The following NBAS variants were observed in gnomAD, a reference collection of about 807,000 sequenced individuals.
NBAS encodes NBAS subunit of NRZ tethering complex.
A neutral mutation model predicts 302.5 loss-of-function variants in NBAS; 219 were observed. That is an observed-to-expected ratio of 0.72 (90% confidence interval 0.65 to 0.81). The LOEUF is 0.81. Ranked by LOEUF, NBAS falls within the 30% of genes least tolerant of loss-of-function variation. NBAS has a pLI of 0.00. For missense variants in NBAS, 2,932 were observed against 2,841.6 expected, an observed-to-expected ratio of 1.03 and a Z score of -0.72; for synonymous variants, 1,118 against 1,021.6, an observed-to-expected ratio of 1.09 and a Z score of -1.80.
intron 25 of NBAS, among the ~76,000 whole-genome samples, chr2:15,413,030 C>T (rs1676755304): frequency 6.6e-6 from 1 of 152,218 alleles, no homozygotes; most frequent in Non-Finnish European, 1.5e-5. Context: ...TAAGGCACTG[C>T]CAGCGCCAAT....
the NBAS span, among the ~76,000 whole-genome samples, chr2:14,853,685 A>G: frequency 9.9e-6 from 1 of 101,412 alleles, no homozygotes; most frequent in Admixed American, 9.3e-5. Context: ...ATGTCCAACA[A>G]TGATAGACTG....
chr2:15,329,753 T>C (rs1161634827), intron 36 of NBAS, among the ~76,000 whole-genome samples: 2 of 152,270 alleles, frequency 1.3e-5, no homozygotes, highest in South Asian at 4.1e-4. Context: ...CTAGAGTTTG[T>C]ATTTGTTCTC....
the NBAS span, among the ~76,000 whole-genome samples, chr2:15,066,714 G>C: frequency 1.3e-5 from 2 of 152,178 alleles, no homozygotes; most frequent in African/African-American, 2.4e-5. Context: ...TGGCAAATAT[G>C]TGGGGAAAAG....
intron 38 of NBAS, among the ~76,000 whole-genome samples, chr2:15,320,057 G>C (rs1671722857): frequency 6.6e-6 from 1 of 152,154 alleles, no homozygotes; most frequent in African/African-American, 2.4e-5. Flanking sequence ...CCATGATCAA[G>C]TAGGCTTCAT....
chr2:14,814,726 G>C, the NBAS span, among the ~76,000 whole-genome samples: 4 of 152,176 alleles, frequency 2.6e-5, no homozygotes, highest in Non-Finnish European at 4.4e-5. Context: ...ACTTTGGGGG[G>C]ATTGTTGGAA....
the NBAS span, among the ~76,000 whole-genome samples, chr2:14,957,136 A>G: frequency 6.6e-6 from 1 of 152,160 alleles, no homozygotes; most frequent in Non-Finnish European, 1.5e-5. Flanking sequence ...TCTCCATCAG[A>G]GCCTTCAGAA....
At chr2:15,049,073 A>T in the NBAS span, among the ~76,000 whole-genome samples, 52,415 of 152,156 alleles carry the variant, frequency 0.34, 10,646 homozygotes, top group East Asian at 0.58. Context: ...TGGAGAGAGG[A>T]GGTGACATTT....
rs576711164 is a variant in NBAS at position 15,209,835 on chromosome 2, C to A, written c.6432+8938G>T. On this transcript the variant is annotated intron_variant, in intron 48 of 51. Transcript: ENST00000281513. ...GATAAATCCAAGCATCTACAGTAAA[C>A]CCATTTTTGACAAAGGTGCCAAGAA... Among the ~76,000 whole-genome samples, 335 of 152,252 alleles carry A rather than the reference C, an allele frequency of 2.2e-3. 1 individual carries two copies. Among genetic ancestry groups the A allele is most frequent in the Middle Eastern group, 6.8e-3 (2 of 294 alleles).
chr2:15,472,641 T>C (rs924505694), intron 16 of NBAS, among the ~76,000 whole-genome samples: 3 of 152,102 alleles, frequency 2.0e-5, no homozygotes, highest in African/African-American at 7.2e-5. Flanking sequence ...ACTGCCAACC[T>C]TGGCAACCGT....
chr2:14,906,587 G>A, the NBAS span, among the ~76,000 whole-genome samples: 2 of 152,138 alleles, frequency 1.3e-5, no homozygotes, highest in Admixed American at 1.3e-4. Context: ...AGAGAGTTGT[G>A]GAATTCTGGA....
the NBAS span, among the ~76,000 whole-genome samples, chr2:14,945,970 A>G: frequency 6.6e-6 from 1 of 152,140 alleles, no homozygotes; most frequent in African/African-American, 2.4e-5. Context: ...AATCCCAGCT[A>G]TTGGGGAGGC....
chr2:15,425,434 A>G (rs372626246), intron 22 of NBAS, among the ~76,000 whole-genome samples: 14 of 152,326 alleles, frequency 9.2e-5, no homozygotes, highest in African/African-American at 3.4e-4. Context: ...GGAAAACACT[A>G]TACAAGAATG....
At chr2:15,520,811 G>C (rs575235157) in intron 9 of NBAS, among the ~76,000 whole-genome samples, 1 of 152,262 alleles carries the variant, frequency 6.6e-6, no homozygotes, top group East Asian at 1.9e-4. Context: ...GCCAAAGTTT[G>C]CCAGAGAAAA....
intron 48 of NBAS, among the ~76,000 whole-genome samples, chr2:15,194,891 A>C (rs982566832): frequency 6.6e-6 from 1 of 152,172 alleles, no homozygotes; most frequent in Non-Finnish European, 1.5e-5. Flanking sequence ...AATAACAGAG[A>C]CATAAATTGG....
chr2:15,075,760 T>TACACACACACACAC, the NBAS span, among the ~76,000 whole-genome samples: 2 of 149,958 alleles, frequency 1.3e-5, no homozygotes, highest in Admixed American at 1.3e-4. Context: ...CCAAAATTTA[T>TACACACACACACAC]ACACACACAC....
chr2:15,491,445 T>C (rs1190627333), intron 11 of NBAS, among the ~76,000 whole-genome samples: 1 of 152,192 alleles, frequency 6.6e-6, no homozygotes, highest in Non-Finnish European at 1.5e-5. Flanking sequence ...GCATTAAAAA[T>C]ACACAGGTTG....
At chr2:15,022,331 C>A in the NBAS span, among the ~76,000 whole-genome samples, 1 of 152,168 alleles carries the variant, frequency 6.6e-6, no homozygotes, top group Non-Finnish European at 1.5e-5. Flanking sequence ...CCTCTCTCTT[C>A]ACTACTATCT....
the NBAS span, among the ~76,000 whole-genome samples, chr2:15,154,806 G>A: frequency 2.6e-5 from 4 of 152,238 alleles, no homozygotes; most frequent in South Asian, 2.1e-4. Context: ...AGTATCAGAC[G>A]TGAGGCTATA....
At chr2:15,245,608 A>AGGATGGATGGATGGATGGAT (rs57408257) in intron 44 of NBAS, among the ~76,000 whole-genome samples, 32 of 148,152 alleles carry the variant, frequency 2.2e-4, no homozygotes, top group Admixed American at 4.1e-4. Context: ...GTTGAATGGA[A>AGGATGGATGGATGGATGGAT]GGATGGATGG....
Sources: allele counts gnomAD v4.1 joint callset (sites outside exome capture counted in the v4.1 genomes callset), GRCh38; gene constraint gnomAD v4.1.1; transcripts MANE v1.5; gene names NCBI Gene and HGNC (gene_info 2026-07-23, HGNC 2026-07-21).